SUMO3: variants seen among roughly 807,000 people sequenced by gnomAD.
The protein encoded by SUMO3 is small ubiquitin like modifier 3, also known as small ubiquitin-related modifier 3.
Under a neutral mutation model 11.1 loss-of-function variants are expected in SUMO3, and 2 were observed. That is an observed-to-expected ratio of 0.18 (90% CI 0.07 to 0.57). The LOEUF is 0.57. Ranked by LOEUF, SUMO3 falls within the 20% of genes least tolerant of loss-of-function variation. SUMO3 has a pLI of 0.92. For missense variants in SUMO3, 70 were observed against 132.8 expected, an observed-to-expected ratio of 0.53 and a Z score of 2.32; for synonymous variants, 56 against 53.5, an observed-to-expected ratio of 1.05 and a Z score of -0.20.
intron 2 of SUMO3, among the ~76,000 whole-genome samples, chr21:44,809,377 T>A (rs1235799333): frequency 6.6e-6 from 1 of 152,226 alleles, no homozygotes; most frequent in Non-Finnish European, 1.5e-5. Context: ...ACCACTGCTT[T>A]CAGAACCCAC....
intron 1 of SUMO3, 129 bp from the exon 2 acceptor site, chr21:44,814,233 A>C: frequency 8.2e-7 from 1 of 1,221,030 alleles, no homozygotes; most frequent in Non-Finnish European, 1.1e-6. Context: ...AAAATTCTCC[A>C]GCAATTCAGA....
In SUMO3 at chr21:44,810,172, C is replaced by G. The variant is rs111414442; in HGVS notation, c.151-1054G>C. 8.5e-5 allele frequency among the ~76,000 whole-genome samples: 13 copies of G among 152,284 alleles called. No individual in the cohort carries two copies. Among genetic ancestry groups the G allele is most frequent in the African/African-American group, 2.9e-4 (12 of 41,558 alleles). Reference sequence around the variant, plus strand: ...TTTGATTTAACTGAAACAGGACAGACGGGGTTAAAACGTGCATCTCTGCTC... The same window carrying G: ...TTTGATTTAACTGAAACAGGACAGAGGGGGTTAAAACGTGCATCTCTGCTC... On this transcript the variant is annotated intron_variant, in intron 2 of 3. Coordinates refer to ENST00000332859, the MANE Select transcript of SUMO3 (RefSeq NM_006936.3). This position sits in a 1 kb window ranked among gnomAD's most constrained non-coding sequence, Gnocchi z 4.1.
rs372644452 is a variant in SUMO3 at position 44,815,483 on chromosome 21, G to A, written c.22-1379C>T. On this transcript the variant is annotated intron_variant, in intron 1 of 3. Transcript: ENST00000332859. ...CCAGTGGCTTGGCGGCAGCCTGAGT[G>A]GTGAGCTGGCACACCCCCATCTCCC... Among the ~76,000 whole-genome samples, 12 of 152,310 alleles carry A rather than the reference G, an allele frequency of 7.9e-5. No homozygotes were observed. The East Asian group carries it at 2.1e-3, about 27-fold the overall frequency.
At chr21:44,812,758 AG>A (rs1407997470) in intron 2 of SUMO3, among the ~76,000 whole-genome samples, 5 of 152,176 alleles carry the variant, frequency 3.3e-5, no homozygotes, top group Non-Finnish European at 5.9e-5. Flanking sequence ...GGAAGGGCAG[AG>A]CCCCCCCCAC....
intron 1 of SUMO3, 59 bp downstream of exon 1, chr21:44,817,889 C>A (rs182459167): frequency 5.3e-3 from 1 of 188 alleles, no homozygotes; most frequent in African/African-American, 0.026. Context: ...GGGGCGGAGC[C>A]GGGCTGGGGG....
chr21:44,808,468 C>A, intron 3 of SUMO3: 1 of 1,431,724 alleles, frequency 7.0e-7, no homozygotes, highest in Non-Finnish European at 9.2e-7. Context: ...TGAGCTGAGA[C>A]TGCGCCACTG....
intron 2 of SUMO3, chr21:44,813,754 C>T (rs1429379271): frequency 7.0e-7 from 1 of 1,429,794 alleles, no homozygotes; most frequent in African/African-American, 1.4e-5. Context: ...CACCACACTT[C>T]TCCGAGCCTC....
chr21:44,813,736 G>A, intron 2 of SUMO3: 1 of 1,369,692 alleles, frequency 7.3e-7, no homozygotes, highest in Non-Finnish European at 9.7e-7. Context: ...CTGTCAGGAA[G>A]AAAAACCCAC....
chr21:44,813,887 C>T (rs753207170), intron 2 of SUMO3, 89 bp downstream of exon 2: 4 of 1,595,266 alleles, frequency 2.5e-6, no homozygotes, highest in South Asian at 2.2e-5. Context: ...CTGGGTCCAG[C>T]CCCGAGACGC....
Position 44,806,701 on chromosome 21 carries a change from A to C in SUMO3, c.*250T>G. On this transcript the variant is annotated 3_prime_UTR_variant, in exon 4 of 4. Transcript: ENST00000332859. ...GGGGGGAAAACACAAATGAGCACAC[A>C]AAAGTACCCACAATATCTTGCAACT... The C allele has an allele frequency of 1.0e-6, 1 of 981,022 alleles. No homozygotes were observed. The highest frequency in any genetic ancestry group is 1.4e-6 in the Non-Finnish European group (1 of 713,648). The allele number at this position is 981,022 out of a possible 1,614,324, so 60.8% of individuals were successfully genotyped here. A position where few individuals can be genotyped will look rare whatever the true frequency, so the allele number is the denominator to read the frequency against.
intron 1 of SUMO3, among the ~76,000 whole-genome samples, chr21:44,815,708 AGGGTAATGGCTGCAGCCCCGG>A (rs963686960): frequency 9.2e-5 from 14 of 152,104 alleles, no homozygotes; most frequent in African/African-American, 3.4e-4. Flanking sequence ...CGTCCCCCAC[AGGGTAATGGCTGCAGCCCCGG>A]GGGGAATGGC....
At chr21:44,808,669 C>G (rs2083192951) in intron 3 of SUMO3, 1 of 1,370,254 alleles carries the variant, frequency 7.3e-7, no homozygotes, top group Non-Finnish European at 9.5e-7. Context: ...TCTGCCCACC[C>G]ACGTCACTTG....
At chr21:44,817,857 G>A (rs1281333185) in intron 1 of SUMO3, 91 bp downstream of exon 1, 3 of 283,016 alleles carry the variant, frequency 1.1e-5, no homozygotes, top group African/African-American at 9.2e-5. Flanking sequence ...TCAGGGGCGG[G>A]ACGCGGGGCG....
rs2083209024 is a variant in SUMO3, at chr21:44,811,050, ACACACC to A, written c.151-1938_151-1933del. Reference sequence around the variant, plus strand: ...CGCACACACCCACATACACACACGCACACACCCACACATACACACACACGAATGCAC... The same window carrying A: ...CGCACACACCCACATACACACACGCACACACATACACACACACGAATGCAC... On this transcript the variant is annotated intron_variant, in intron 2 of 3. Transcript: ENST00000332859. The surrounding 1 kb of genome is among the most constrained non-coding windows in gnomAD (Gnocchi z 5.0). Among the ~76,000 whole-genome samples, 1 of 146,898 alleles carries A rather than the reference ACACACC, an allele frequency of 6.8e-6. No individual in the cohort carries two copies. The highest frequency in any genetic ancestry group is 2.1e-4 in the South Asian group (1 of 4,664).
intron 1 of SUMO3, among the ~76,000 whole-genome samples, chr21:44,815,413 C>A (rs942627597): frequency 9.9e-5 from 15 of 152,200 alleles, no homozygotes; most frequent in Admixed American, 1.3e-4. Context: ...CACTCACCCC[C>A]CGACTCCAGT....
chr21:44,807,174 G>A lies in SUMO3; in HGVS notation c.223-134C>T, dbSNP rs2083182624. ...ATCACCTGGTCACACCTTGGCTCTT[G>A]TCCGTCCCCTCACTGCAGCTCAGCA... On this transcript the variant is annotated intron_variant, in intron 3 of 3. Transcript: ENST00000332859. The surrounding 1 kb of genome is among the most constrained non-coding windows in gnomAD (Gnocchi z 4.3). 2.7e-6 allele frequency: 3 copies of A among 1,093,566 alleles called. No homozygotes were observed. The highest frequency in any genetic ancestry group is 1.5e-5 in the South Asian group (1 of 65,562). The allele number at this position is 1,093,566 out of a possible 1,614,324, so 67.7% of individuals were successfully genotyped here. A position where few individuals can be genotyped will look rare whatever the true frequency, so the allele number is the denominator to read the frequency against.
chr21:44,810,377 C>A lies in SUMO3; in HGVS notation c.151-1259G>T, dbSNP rs1358503362. On this transcript the variant is annotated intron_variant, in intron 2 of 3. Transcript: ENST00000332859. The surrounding 1 kb of genome is among the most constrained non-coding windows in gnomAD (Gnocchi z 4.1). ...GATCCTAGGGCGGAGGGACTGGGCA[C>A]GCCCCAACCTGTGAGGCAGAGCTGT... Among the ~76,000 whole-genome samples, 1 of 152,152 alleles carries A rather than the reference C, an allele frequency of 6.6e-6. No homozygotes were observed. Among genetic ancestry groups the A allele is most frequent in the Non-Finnish European group, 1.5e-5 (1 of 68,020 alleles).
At chr21:44,815,358 T>G (rs968559050) in intron 1 of SUMO3, among the ~76,000 whole-genome samples, 1 of 152,024 alleles carries the variant, frequency 6.6e-6, no homozygotes, top group African/African-American at 2.4e-5. Flanking sequence ...GCCTTGGCAG[T>G]GAGGGGCTCC....
intron 1 of SUMO3, among the ~76,000 whole-genome samples, chr21:44,814,552 A>C (rs1052944453): frequency 2.0e-5 from 3 of 152,228 alleles, no homozygotes; most frequent in African/African-American, 7.2e-5. Flanking sequence ...AAAAATTCTT[A>C]TGAAACCAGT....
Sources: allele counts gnomAD v4.1 joint callset (sites outside exome capture counted in the v4.1 genomes callset), GRCh38; gene constraint gnomAD v4.1.1; non-coding constraint Gnocchi (gnomAD v3.1); transcripts MANE v1.5; gene names NCBI Gene and HGNC (gene_info 2026-07-23, HGNC 2026-07-21).